GNB1: variants seen among roughly 807,000 people sequenced by gnomAD.
GNB1 encodes the protein G protein subunit beta 1, also known as guanine nucleotide-binding protein G(I)/G(S)/G(T) subunit beta-1.
A neutral mutation model predicts 42.9 loss-of-function variants in GNB1; 2 were observed. That is an observed-to-expected ratio of 0.05 (90% confidence interval 0.02 to 0.15). The LOEUF (loss-of-function observed/expected upper bound fraction) is 0.15, where lower values mean the gene tolerates loss of function less well. Ranked by LOEUF, GNB1 falls within the 10% of genes least tolerant of loss-of-function variation. GNB1 has a pLI of 1.00. For missense variants in GNB1, 193 were observed against 462.2 expected (o/e 0.42, Z 5.34); for synonymous variants, 183 against 174.7 (o/e 1.05, Z -0.38).
intron 1 of GNB1, among the ~76,000 whole-genome samples, chr1:1,888,928 A>C (rs774331408): frequency 1.3e-5 from 2 of 152,188 alleles, no homozygotes; most frequent in Non-Finnish European, 2.9e-5. Context: ...ACCTGTCTCC[A>C]TGTCAGTGGC....
intron 1 of GNB1, among the ~76,000 whole-genome samples, chr1:1,871,619 A>AC: frequency 6.6e-6 from 1 of 152,144 alleles, no homozygotes; most frequent in East Asian, 1.9e-4. Flanking sequence ...AAAGACCAAG[A>AC]CTTCCAGACT....
chr1:1,880,225 G>A (rs747272910), intron 1 of GNB1, among the ~76,000 whole-genome samples: 11 of 152,142 alleles, frequency 7.2e-5, no homozygotes, highest in Non-Finnish European at 1.5e-4. Flanking sequence ...GAGCTACCAT[G>A]CCCAGCCAAG....
chr1:1,797,009 A>G (rs1354768432), intron 7 of GNB1, among the ~76,000 whole-genome samples: 4 of 152,124 alleles, frequency 2.6e-5, no homozygotes, highest in African/African-American at 9.7e-5. Context: ...AAAGGAGCAG[A>G]TCACCAGGCT....
At chr1:1,802,816 C>T (rs1295041096) in intron 7 of GNB1, among the ~76,000 whole-genome samples, 1 of 150,682 alleles carries the variant, frequency 6.6e-6, no homozygotes, top group African/African-American at 2.4e-5. Flanking sequence ...GTGGCTAAAG[C>T]CATGCTTAGA....
chr1:1,888,015 C>T (rs1650249995), intron 1 of GNB1, among the ~76,000 whole-genome samples: 2 of 152,174 alleles, frequency 1.3e-5, no homozygotes, highest in South Asian at 4.1e-4. Flanking sequence ...TTTACTTCAA[C>T]TTTCCCACCC....
chr1:1,842,959 A>G (rs1238532606), intron 1 of GNB1, among the ~76,000 whole-genome samples: 1 of 152,234 alleles, frequency 6.6e-6, no homozygotes, highest in Non-Finnish European at 1.5e-5. Context: ...TCTCAACCTC[A>G]GCACAATGAA....
chr1:1,817,201 T>C (rs1351086892), intron 4 of GNB1, among the ~76,000 whole-genome samples: 2 of 152,232 alleles, frequency 1.3e-5, no homozygotes, highest in Non-Finnish European at 2.9e-5. Flanking sequence ...AAACAATACA[T>C]AGCCATTTGT....
intron 1 of GNB1, among the ~76,000 whole-genome samples, chr1:1,871,082 T>C (rs1382577897): frequency 2.0e-5 from 3 of 152,194 alleles, no homozygotes; most frequent in Non-Finnish European, 4.4e-5. Context: ...TATGTTTCAA[T>C]TGACTCCAAT....
intron 5 of GNB1, among the ~76,000 whole-genome samples, chr1:1,807,662 G>A (rs1370844485): frequency 5.3e-5 from 8 of 151,792 alleles, no homozygotes; most frequent in Non-Finnish European, 1.0e-4. Flanking sequence ...GCACCACTGC[G>A]CATGGTCCGG....
At chr1:1,819,615 T>C (rs982666671) in intron 3 of GNB1, among the ~76,000 whole-genome samples, 3 of 151,992 alleles carry the variant, frequency 2.0e-5, no homozygotes, top group Non-Finnish European at 4.4e-5. Flanking sequence ...CACAGCTCAC[T>C]GCAGCCTCGA....
At chr1:1,857,542 G>C (rs1648373758) in intron 1 of GNB1, among the ~76,000 whole-genome samples, 1 of 152,144 alleles carries the variant, frequency 6.6e-6, no homozygotes, top group African/African-American at 2.4e-5. Flanking sequence ...GGAGGATACA[G>C]CAAGTCCTGT....
At chr1:1,860,772 T>C (rs1484798193) in intron 1 of GNB1, among the ~76,000 whole-genome samples, 4 of 151,354 alleles carry the variant, frequency 2.6e-5, no homozygotes, top group Admixed American at 1.3e-4. Flanking sequence ...CAGCTCTAAA[T>C]CCACCCCAAA....
At chr1:1,834,538 CTT>C (rs1647118877) in intron 2 of GNB1, among the ~76,000 whole-genome samples, 1 of 152,084 alleles carries the variant, frequency 6.6e-6, no homozygotes, top group Non-Finnish European at 1.5e-5. Flanking sequence ...CAAAGCCAAA[CTT>C]TATATGTAAC....
chr1:1,861,313 A>T (rs1648614724), intron 1 of GNB1, among the ~76,000 whole-genome samples: 1 of 152,054 alleles, frequency 6.6e-6, no homozygotes, highest in African/African-American at 2.4e-5. Context: ...AAAATTTTTT[A>T]AAAATTAACT....
intron 1 of GNB1, among the ~76,000 whole-genome samples, chr1:1,847,333 C>G (rs1476684069): frequency 6.6e-6 from 1 of 152,184 alleles, no homozygotes; most frequent in African/African-American, 2.4e-5. Context: ...CATCGATGTT[C>G]TTTGTCTGCA....
chr1:1,814,851 G>A (rs1646830396), intron 5 of GNB1, among the ~76,000 whole-genome samples: 1 of 148,450 alleles, frequency 6.7e-6, no homozygotes, highest in Non-Finnish European at 1.5e-5. Flanking sequence ...AGTGGCTCAC[G>A]CCTGTAATCC....
intron 8 of GNB1, among the ~76,000 whole-genome samples, chr1:1,792,709 A>AG (rs1056522310): frequency 1.3e-5 from 2 of 151,732 alleles, no homozygotes; most frequent in East Asian, 1.9e-4. Flanking sequence ...AAAAAAAAAA[A>AG]AAAAGAAAAA....
intron 1 of GNB1, among the ~76,000 whole-genome samples, chr1:1,880,790 T>C (rs1489623706): frequency 6.6e-6 from 1 of 151,962 alleles, no homozygotes; most frequent in Non-Finnish European, 1.5e-5. Context: ...CTTCCAGAGC[T>C]CCCCACTCAC....
chr1:1,858,382 A>AT (rs1038477992), intron 1 of GNB1, among the ~76,000 whole-genome samples: 1 of 152,120 alleles, frequency 6.6e-6, no homozygotes, highest in African/African-American at 2.4e-5. Flanking sequence ...CACTTGTACC[A>AT]TAGAAGCCAT....
Sources: gnomAD v4.1 joint callset for allele counts (sites outside exome capture counted in the v4.1 genomes callset) on GRCh38, gnomAD v4.1.1 for gene constraint, MANE v1.5 for transcripts, NCBI Gene and HGNC (gene_info 2026-07-23, HGNC 2026-07-21) for gene names.